The following FBN1 variants were observed in gnomAD, a reference collection of about 807,000 sequenced individuals.
FBN1 encodes the protein fibrillin-1.
FBN1 carries 29 observed loss-of-function variants against 365.1 expected under a neutral mutation model. That is an observed-to-expected ratio of 0.08 (90% CI 0.06 to 0.11). The LOEUF (loss-of-function observed/expected upper bound fraction) is 0.11. Among genes scored for constraint, FBN1 ranks in the 10% least tolerant of loss-of-function variants. The pLI is 1.00. For synonymous variants in FBN1, 1,210 were observed against 1,270.5 expected (o/e 0.95, Z 1.01); for missense variants, 2,476 against 3,703.2 (o/e 0.67, Z 8.60).
rs574856369 is a variant in FBN1, at chr15:48,632,942, G to A, written c.164+11664C>T. Among the ~76,000 whole-genome samples the A allele has an allele frequency of 4.6e-5, 7 of 152,314 alleles. No homozygotes were observed. In the East Asian group the frequency reaches 1.4e-3, roughly 29 times the overall value. ...TGAGGTCAGTGGCCTCAACTCTGGG[G>A]TGTGAAGCACCAGCAGTCCATGAAA... On this transcript the variant is annotated intron_variant, in intron 2 of 65. Coordinates refer to ENST00000316623, the MANE Select transcript of FBN1 (RefSeq NM_000138.5).
chr15:48,542,008 T>C (rs2141363441), intron 6 of FBN1, among the ~76,000 whole-genome samples: 1 of 152,318 alleles, frequency 6.6e-6, no homozygotes, highest in African/African-American at 2.4e-5. Context: ...TCATGGGAAA[T>C]TCTGCATCTC....
intron 6 of FBN1, among the ~76,000 whole-genome samples, chr15:48,579,563 C>T (rs1183560033): frequency 6.6e-6 from 1 of 152,180 alleles, no homozygotes; most frequent in Non-Finnish European, 1.5e-5. Context: ...TCTGGAATAG[C>T]TCAGGTCTCT....
chr15:48,527,469 T>C (rs1481718797), intron 8 of FBN1, among the ~76,000 whole-genome samples: 2 of 152,306 alleles, frequency 1.3e-5, no homozygotes, highest in South Asian at 2.1e-4. Context: ...TGCACTGACC[T>C]TGGGAAAGGA....
intron 12 of FBN1, 62 bp downstream of exon 12, chr15:48,515,325 A>G (rs758192228): frequency 6.3e-6 from 10 of 1,593,030 alleles, no homozygotes. Context: ...ATAGAAAACC[A>G]GTAGAGTCAA....
intron 31 of FBN1, 44 bp from the exon 32 acceptor site, chr15:48,481,824 CATT>C: frequency 2.6e-6 from 4 of 1,562,344 alleles, no homozygotes; most frequent in Non-Finnish European, 3.5e-6. Context: ...TATTTGATAT[CATT>C]GAGTACTTTC....
At position 48,449,173 on chromosome 15, in the gene FBN1, G is replaced by A. The variant is rs79196792; in HGVS notation, c.5546-280C>T. Among the ~76,000 whole-genome samples, 2,539 of 152,248 alleles carry A rather than the reference G, an allele frequency of 0.017. 208 individuals are homozygous for A. In the East Asian group the frequency reaches 0.24, roughly 15 times the overall value. On this transcript the variant is annotated intron_variant, in intron 45 of 65. Transcript: ENST00000316623. The stretch of plus-strand genomic sequence containing the variant: ...GAAGTAAAATGGGGGGATTCAAGCC[G>A]GGAGGATTTTCTGTTTGATTATCGG...
At chr15:48,448,718 A>G (rs1171966448) in intron 46 of FBN1, 50 bp downstream of exon 46, 8 of 1,572,254 alleles carry the variant, frequency 5.1e-6, no homozygotes, top group East Asian at 4.5e-5. Flanking sequence ...TTAGAATCAA[A>G]TGAAGCTTTC....
At chr15:48,484,898 C>A (rs1163298472) in intron 30 of FBN1, among the ~76,000 whole-genome samples, 4 of 152,198 alleles carry the variant, frequency 2.6e-5, no homozygotes, top group African/African-American at 7.2e-5. Context: ...GGTTCTCAAA[C>A]TTTAGCATGC....
intron 6 of FBN1, among the ~76,000 whole-genome samples, chr15:48,588,770 T>C (rs1327175006): frequency 6.6e-6 from 1 of 152,180 alleles, no homozygotes; most frequent in Non-Finnish European, 1.5e-5. Flanking sequence ...CGGGTTACTC[T>C]GGAGAGAGCT....
intron 18 of FBN1, among the ~76,000 whole-genome samples, chr15:48,498,164 A>T (rs1001791192): frequency 6.8e-6 from 1 of 146,314 alleles, no homozygotes; most frequent in Admixed American, 6.7e-5. Context: ...CTCTTCTATA[A>T]ATTAGGGTTG....
Position 48,417,792 on chromosome 15 carries a change from C to T in FBN1, c.7820-2025G>A, listed in dbSNP as rs566095117. On this transcript the variant is annotated intron_variant, in intron 63 of 65. Coordinates refer to ENST00000316623, the MANE Select transcript of FBN1 (RefSeq NM_000138.5). ...TCCATGTCAAACAAAGAATGAAGAA[C>T]GAAGCATATTTACTTCATTGGAGAG... 9.2e-5 allele frequency among the ~76,000 whole-genome samples: 14 copies of T among 152,252 alleles called. No individual in the cohort carries two copies. In the East Asian group the frequency reaches 1.2e-3, roughly 13 times the overall value.
At chr15:48,598,664 C>T (rs1230826436) in intron 5 of FBN1, among the ~76,000 whole-genome samples, 1 of 152,214 alleles carries the variant, frequency 6.6e-6, no homozygotes, top group Non-Finnish European at 1.5e-5. Context: ...CATTCCCCAT[C>T]ACCTGACAGG....
chr15:48,577,961 A>G (rs901318560), intron 6 of FBN1, among the ~76,000 whole-genome samples: 183 of 152,204 alleles, frequency 1.2e-3, no homozygotes, highest in South Asian at 8.3e-4. Flanking sequence ...CAATTCAAAA[A>G]GAAATTAAGC....
intron 6 of FBN1, among the ~76,000 whole-genome samples, chr15:48,582,342 C>A (rs893617103): frequency 6.6e-6 from 1 of 152,122 alleles, no homozygotes; most frequent in Non-Finnish European, 1.5e-5. Flanking sequence ...TAGCAAAGAC[C>A]CATGTTTCAT....
chr15:48,448,994 T>C (rs1364317981), intron 45 of FBN1, 101 bp from the exon 46 acceptor site: 3 of 964,420 alleles, frequency 3.1e-6, no homozygotes, highest in Non-Finnish European at 4.9e-6. Context: ...AGCTCTAAAC[T>C]AAGTTAGTGA....
At chr15:48,631,475 T>A (rs571132964) in intron 2 of FBN1, among the ~76,000 whole-genome samples, 2 of 152,310 alleles carry the variant, frequency 1.3e-5, no homozygotes, top group South Asian at 4.2e-4. Flanking sequence ...TGAGTGCAGA[T>A]GTGTTGTGTT....
chr15:48,504,947 A>G (rs969758965), intron 16 of FBN1, 78 bp downstream of exon 16: 1 of 1,568,592 alleles, frequency 6.4e-7, no homozygotes, highest in African/African-American at 1.4e-5. Context: ...TACAGTAGAG[A>G]GCGTTTGTTA....
At chr15:48,503,487 C>G (rs957027569) in intron 17 of FBN1, among the ~76,000 whole-genome samples, 78 of 152,250 alleles carry the variant, frequency 5.1e-4, no homozygotes, top group African/African-American at 1.8e-3. Context: ...CTGCAAAATG[C>G]AAACATCATG....
chr15:48,545,503 AG>A (rs1252407207), intron 6 of FBN1, among the ~76,000 whole-genome samples: 5 of 152,194 alleles, frequency 3.3e-5, no homozygotes, highest in Non-Finnish European at 7.3e-5. Context: ...CACTAATATG[AG>A]GTACCCAGAG....
Sources: allele counts gnomAD v4.1 joint callset (sites outside exome capture counted in the v4.1 genomes callset), GRCh38; gene constraint gnomAD v4.1.1; transcripts MANE v1.5; gene names NCBI Gene and HGNC (gene_info 2026-07-23, HGNC 2026-07-21).